CEP128: variants seen among roughly 807,000 people sequenced by gnomAD.
CEP128 encodes the protein centrosomal protein 128kDa.
CEP128 carries 132 observed loss-of-function variants against 156.7 expected under a neutral mutation model. The observed-to-expected ratio is 0.84, with a 90% confidence interval of 0.73 to 0.97. CEP128 has a LOEUF of 0.97. CEP128 is among the 50% of genes least tolerant of loss of function. The pLI is 0.00. For missense variants in CEP128, 1,252 were observed against 1,281.9 expected, an observed-to-expected ratio of 0.98 and a Z score of 0.36; for synonymous variants, 469 against 448.9, an observed-to-expected ratio of 1.04 and a Z score of -0.57.
intron 19 of CEP128, among the ~76,000 whole-genome samples, chr14:80,630,448 T>C (rs1196793372): frequency 6.6e-6 from 1 of 151,992 alleles, no homozygotes; most frequent in Non-Finnish European, 1.5e-5. Context: ...GTAAATTCAT[T>C]AAAATAGTAT....
At chr14:80,832,519 G>A (rs1885860622) in intron 12 of CEP128, among the ~76,000 whole-genome samples, 1 of 149,798 alleles carries the variant, frequency 6.7e-6, no homozygotes, top group Non-Finnish European at 1.5e-5. Context: ...AGACATATGG[G>A]CATTTCAATA....
At chr14:80,650,569 CTTA>C (rs1894859703) in intron 19 of CEP128, among the ~76,000 whole-genome samples, 1 of 152,004 alleles carries the variant, frequency 6.6e-6, no homozygotes, top group Admixed American at 6.6e-5. Flanking sequence ...ATAAATAGCT[CTTA>C]TTATTTTGAG....
chr14:80,819,528 G>T (rs1885052500), intron 13 of CEP128, among the ~76,000 whole-genome samples: 2 of 152,036 alleles, frequency 1.3e-5, no homozygotes, highest in Non-Finnish European at 2.9e-5. Flanking sequence ...TTACAGGCGT[G>T]AGCCACTGCA....
chr14:80,632,667 C>A (rs188073056), intron 19 of CEP128, among the ~76,000 whole-genome samples: 33 of 151,812 alleles, frequency 2.2e-4, no homozygotes, highest in Non-Finnish European at 3.7e-4. Flanking sequence ...TTTTTCTATT[C>A]TTCCATGAAT....
chr14:80,756,346 T>A (rs893458392), intron 18 of CEP128, among the ~76,000 whole-genome samples: 2 of 152,202 alleles, frequency 1.3e-5, no homozygotes, highest in African/African-American at 4.8e-5. Context: ...AATGCATAGT[T>A]GGCCTTCAAA....
intron 19 of CEP128, among the ~76,000 whole-genome samples, chr14:80,725,507 T>C (rs1897989538): frequency 1.3e-5 from 2 of 152,052 alleles, no homozygotes; most frequent in African/African-American, 2.4e-5. Flanking sequence ...CTGCAGATAA[T>C]TTACTCCACC....
intron 4 of CEP128, among the ~76,000 whole-genome samples, chr14:80,909,665 T>A (rs753009786): frequency 2.6e-5 from 4 of 152,002 alleles, no homozygotes; most frequent in Non-Finnish European, 5.9e-5. Context: ...CAAAAACAAT[T>A]TTTGCACCTA....
chr14:80,536,943 G>A (rs1258713004), intron 21 of CEP128, among the ~76,000 whole-genome samples: 1 of 152,182 alleles, frequency 6.6e-6, no homozygotes, highest in Non-Finnish European at 1.5e-5. Context: ...AAGTAAAAAT[G>A]CTTGTTAAGT....
chr14:80,838,429 A>AT, intron 10 of CEP128, 151 bp from the exon 11 acceptor site: 1 of 591,374 alleles, frequency 1.7e-6, no homozygotes. Flanking sequence ...CTATGAACAT[A>AT]TATCAATACT....
At chr14:80,691,514 C>T (rs555414113) in intron 19 of CEP128, among the ~76,000 whole-genome samples, 1 of 152,256 alleles carries the variant, frequency 6.6e-6, no homozygotes, top group East Asian at 1.9e-4. Context: ...TTGGGGCTGA[C>T]TGTTAGGCAG....
chr14:80,937,537 A>G (rs1194845477), intron 2 of CEP128, among the ~76,000 whole-genome samples: 2 of 152,164 alleles, frequency 1.3e-5, no homozygotes, highest in Non-Finnish European at 2.9e-5. Flanking sequence ...ATTTTTTTAC[A>G]GTTGTAAAAG....
intron 19 of CEP128, among the ~76,000 whole-genome samples, chr14:80,583,157 C>T (rs897068193): frequency 1.3e-5 from 2 of 152,148 alleles, no homozygotes; most frequent in African/African-American, 4.8e-5. Context: ...TCTCCAAATA[C>T]ATACGGGTCA....
chr14:80,795,951 AT>A (rs1195897725), intron 13 of CEP128, among the ~76,000 whole-genome samples: 3 of 152,206 alleles, frequency 2.0e-5, no homozygotes, highest in Non-Finnish European at 2.9e-5. Context: ...AACAGTAAAG[AT>A]TTTAAAAAAT....
intron 23 of CEP128, among the ~76,000 whole-genome samples, chr14:80,523,580 AAAC>A (rs1004034246): frequency 6.6e-6 from 1 of 152,218 alleles, no homozygotes; most frequent in East Asian, 1.9e-4. Flanking sequence ...GTGTTTAGAA[AAAC>A]AACAACAAAA....
rs559470308 is a variant in CEP128, at chr14:80,729,058, G to GGTGTGTGTGTGTGTGTGT, written c.2806+13999_2806+14016dup. On this transcript the variant is annotated intron_variant, in intron 19 of 24. Transcript: ENST00000555265. ...CCTAGTCCCAGGCTGGGCTGGTGGG[G>GGTGTGTGTGTGTGTGTGT]GTGTGTGTGTGTGTGTGTGTGTGTG... is the stretch of plus-strand genomic sequence containing the variant. Among the ~76,000 whole-genome samples, 124 of 105,016 alleles carry GGTGTGTGTGTGTGTGTGT rather than the reference G, an allele frequency of 1.2e-3. 4 individuals carry two copies. The highest frequency in any genetic ancestry group is 1.7e-3 in the African/African-American group (34 of 19,958). The allele number at this position is 105,016 out of a possible 152,430, so 68.9% of individuals were successfully genotyped here.
At chr14:80,665,212 G>C (rs1280495787) in intron 19 of CEP128, among the ~76,000 whole-genome samples, 2 of 152,138 alleles carry the variant, frequency 1.3e-5, no homozygotes, top group Admixed American at 6.5e-5. Flanking sequence ...AGGGGCCAGT[G>C]GGGTATGTGA....
intron 19 of CEP128, among the ~76,000 whole-genome samples, chr14:80,679,520 G>A (rs539159389): frequency 3.3e-5 from 5 of 152,242 alleles, no homozygotes; most frequent in Admixed American, 2.0e-4. Context: ...TTACTAGGGT[G>A]GGGAAAAATC....
chr14:80,930,500 G>C (rs566865034), intron 2 of CEP128, among the ~76,000 whole-genome samples: 33 of 152,114 alleles, frequency 2.2e-4, no homozygotes, highest in Non-Finnish European at 4.1e-4. Flanking sequence ...CCAATGATGG[G>C]ACAGCAGAAG....
intron 11 of CEP128, 88 bp downstream of exon 11, chr14:80,838,116 T>A (rs1886175200): frequency 1.1e-6 from 1 of 922,270 alleles, no homozygotes; most frequent in African/African-American, 1.7e-5. Context: ...ACCTAGTTCT[T>A]TTTTTTCCTT....
Sources: gnomAD v4.1 joint callset for allele counts (sites outside exome capture counted in the v4.1 genomes callset) on GRCh38, gnomAD v4.1.1 for gene constraint, MANE v1.5 for transcripts, NCBI Gene and HGNC (gene_info 2026-07-23, HGNC 2026-07-21) for gene names.